ANK1: variants seen among roughly 807,000 people sequenced by gnomAD.
ANK1 encodes the protein ankyrin 1.
In ANK1, 51 loss-of-function variants were observed where a neutral mutation model predicts 210.4. The ratio of observed to expected loss-of-function variants is 0.24; its 90% CI spans 0.19 to 0.31. ANK1 has a LOEUF of 0.31. Among genes scored for constraint, ANK1 ranks in the 10% least tolerant of loss-of-function variants. ANK1 has a pLI of 1.00. For missense variants in ANK1, 2,051 were observed against 2,504.4 expected (o/e 0.82, Z 3.86); for synonymous variants, 967 against 1,025.9 (o/e 0.94, Z 1.10).
At chr8:41,738,241 G>A (rs1287073535) in intron 2 of ANK1, among the ~76,000 whole-genome samples, 3 of 152,164 alleles carry the variant, frequency 2.0e-5, no homozygotes, top group African/African-American at 7.2e-5. Flanking sequence ...TATGCTCCCA[G>A]CTCTCTCAGC....
chr8:41,835,907 T>G (rs13255835), intron 1 of ANK1, among the ~76,000 whole-genome samples: 88,851 of 152,100 alleles, frequency 0.58, 26,719 homozygotes, highest in East Asian at 0.87. Context: ...AGGACCCTCA[T>G]GCCCAGCACA....
intron 6 of ANK1, among the ~76,000 whole-genome samples, chr8:41,725,451 G>C (rs568929055): frequency 6.6e-6 from 1 of 152,220 alleles, no homozygotes; most frequent in Admixed American, 6.5e-5. Context: ...AGAGATGAAG[G>C]AACATCAGGA....
At chr8:41,837,063 C>G (rs1196690036) in intron 1 of ANK1, among the ~76,000 whole-genome samples, 2 of 152,176 alleles carry the variant, frequency 1.3e-5, no homozygotes, top group African/African-American at 2.4e-5. Context: ...TGAGATAAAA[C>G]CAGCAAAACG....
chr8:41,895,898 G>C (rs1820396025), intron 1 of ANK1, among the ~76,000 whole-genome samples: 1 of 150,582 alleles, frequency 6.6e-6, no homozygotes, highest in African/African-American at 2.5e-5. Flanking sequence ...GCCGGGCAGA[G>C]CTGCCCCCCC....
chr8:41,752,803 C>CCA (rs1554597020), intron 2 of ANK1, among the ~76,000 whole-genome samples: 2 of 151,656 alleles, frequency 1.3e-5, no homozygotes, highest in African/African-American at 2.4e-5. Context: ...CACAGGCCCC[C>CCA]CCCCACTGCA....
chr8:41,791,615 C>T (rs1039662007), intron 1 of ANK1, among the ~76,000 whole-genome samples: 1 of 152,024 alleles, frequency 6.6e-6, no homozygotes, highest in African/African-American at 2.4e-5. Flanking sequence ...TATTTTTAGG[C>T]AGGGATGGGG....
rs539799360 is a variant in ANK1, at chr8:41,722,324, C to T, written c.909+801G>A. ...CCAAATTAACGACAGCTCTACAGAA[C>T]AGAACATGATAATGTGTCGGGAATA... On this transcript the variant is annotated intron_variant, in intron 9 of 42. Coordinates refer to ENST00000289734, the MANE Select transcript of ANK1 (RefSeq NM_000037.4). 4.9e-4 allele frequency among the ~76,000 whole-genome samples: 75 copies of T among 152,362 alleles called. 1 individual carries two copies. In the South Asian group the frequency reaches 6.4e-3, roughly 13 times the overall value.
chr8:41,703,450 A>ATATTTTTTT (rs59985416), intron 20 of ANK1, among the ~76,000 whole-genome samples: 2 of 58,828 alleles, frequency 3.4e-5, no homozygotes, highest in African/African-American at 9.0e-5. Flanking sequence ...ATATATATAT[A>ATATTTTTTT]TTTTTTTTTT....
chr8:41,758,926 T>C (rs1839821590), intron 1 of ANK1, among the ~76,000 whole-genome samples: 2 of 151,982 alleles, frequency 1.3e-5, no homozygotes, highest in South Asian at 4.2e-4. Flanking sequence ...AGATGGGGTC[T>C]CACTATGTTC....
At chr8:41,762,255 C>T (rs1456583185) in intron 1 of ANK1, among the ~76,000 whole-genome samples, 1 of 152,204 alleles carries the variant, frequency 6.6e-6, no homozygotes. Context: ...TTGCTACTTC[C>T]AATCTTTCTT....
At chr8:41,674,427 G>C (rs577128027) in intron 37 of ANK1, among the ~76,000 whole-genome samples, 18 of 152,262 alleles carry the variant, frequency 1.2e-4, no homozygotes, top group Middle Eastern at 6.8e-3. Flanking sequence ...GCTGTCCTAG[G>C]GTCCCTCGCT....
intron 1 of ANK1, among the ~76,000 whole-genome samples, chr8:41,833,741 G>T (rs935275140): frequency 6.6e-6 from 1 of 152,164 alleles, no homozygotes; most frequent in Non-Finnish European, 1.5e-5. Context: ...TGGTGCTGTG[G>T]CTGCTAAGAT....
intron 2 of ANK1, among the ~76,000 whole-genome samples, chr8:41,744,273 G>A (rs1009216293): frequency 1.3e-5 from 2 of 152,104 alleles, no homozygotes; most frequent in South Asian, 4.1e-4. Flanking sequence ...TTAGTAGAAC[G>A]CCAGCTAAAA....
chr8:41,722,549 T>C (rs1354761320), intron 9 of ANK1, among the ~76,000 whole-genome samples: 5 of 152,212 alleles, frequency 3.3e-5, no homozygotes, highest in Non-Finnish European at 5.9e-5. Context: ...CGAGTCCTTA[T>C]GTCAGAGCCA....
In ANK1 at chr8:41,831,606, G is replaced by A. The variant is rs573431907; in HGVS notation, c.126+64749C>T. 2.6e-4 allele frequency among the ~76,000 whole-genome samples: 36 copies of A among 138,374 alleles called. 1 individual carries two copies. The East Asian group carries it at 6.8e-3, about 26-fold the overall frequency. The allele number at this position is 138,374 out of a possible 152,430, so 90.8% of individuals were successfully genotyped here. A position where few individuals can be genotyped will look rare whatever the true frequency, so the allele number is the denominator to read the frequency against. On this transcript the variant is annotated intron_variant, in intron 1 of 42. Coordinates refer to the ANK1 transcript ENST00000265709. Reference sequence around the variant, plus strand: ...GAGGTTACAAGTGAGCCAAGATTGCGCCATTGCACTCCAGTGCAGAGCAAA... The same window carrying A: ...GAGGTTACAAGTGAGCCAAGATTGCACCATTGCACTCCAGTGCAGAGCAAA...
intron 1 of ANK1, among the ~76,000 whole-genome samples, chr8:41,766,965 T>A (rs1841947563): frequency 6.6e-6 from 1 of 152,028 alleles, no homozygotes; most frequent in Admixed American, 6.5e-5. Flanking sequence ...CCGGCCAGGC[T>A]GTCCCCTGGG....
intron 2 of ANK1, among the ~76,000 whole-genome samples, chr8:41,755,850 G>A (rs1272874186): frequency 6.6e-6 from 1 of 152,230 alleles, no homozygotes; most frequent in Non-Finnish European, 1.5e-5. Flanking sequence ...ATATGTGGAT[G>A]TTGGCATTTC....
At chr8:41,701,765 C>A in intron 21 of ANK1, 143 bp from the exon 22 acceptor site, 1 of 931,378 alleles carries the variant, frequency 1.1e-6, no homozygotes, top group Admixed American at 2.0e-5. Context: ...CTGGAAGCTG[C>A]CGGGCAGGAA....
intron 39 of ANK1, among the ~76,000 whole-genome samples, chr8:41,667,635 G>A (rs758987282): frequency 1.3e-5 from 2 of 152,138 alleles, no homozygotes; most frequent in African/African-American, 2.4e-5. Context: ...GGGAATCCGG[G>A]GAAGTGGAAG....
Sources: gnomAD v4.1 joint callset for allele counts (sites outside exome capture counted in the v4.1 genomes callset) on GRCh38, gnomAD v4.1.1 for gene constraint, MANE v1.5 for transcripts, NCBI Gene and HGNC (gene_info 2026-07-23, HGNC 2026-07-21) for gene names.